HACE1: variants seen among roughly 807,000 people sequenced by gnomAD.
HACE1 encodes the protein E3 ubiquitin-protein ligase HACE1.
A neutral mutation model predicts 118.4 loss-of-function variants in HACE1; 73 were observed. The observed-to-expected ratio is 0.62, with a 90% confidence interval of 0.51 to 0.75. HACE1 has a LOEUF of 0.75. Among genes scored for constraint, HACE1 ranks in the 30% least tolerant of loss-of-function variants. HACE1 has a pLI of 0.00. For missense variants in HACE1, 749 were observed against 1,102.2 expected (o/e 0.68, Z 4.54); for synonymous variants, 368 against 374.8 (o/e 0.98, Z 0.21).
At chr6:104,859,023 T>C (rs899651279) in intron 1 of HACE1, among the ~76,000 whole-genome samples, 12 of 152,166 alleles carry the variant, frequency 7.9e-5, no homozygotes, top group African/African-American at 2.9e-4. Flanking sequence ...TAAAGAAAAA[T>C]ATATTGTGTT....
chr6:104,820,950 G>A (rs752672855), intron 6 of HACE1, among the ~76,000 whole-genome samples: 134 of 152,212 alleles, frequency 8.8e-4, no homozygotes, highest in Admixed American at 1.5e-3. Flanking sequence ...AATGCCCATC[G>A]ATGGTAGACT....
intron 23 of HACE1, 64 bp downstream of exon 23, chr6:104,730,239 C>T (rs1775056432): frequency 1.2e-6 from 1 of 847,420 alleles, no homozygotes; most frequent in African/African-American, 1.7e-5. Flanking sequence ...ACAGTTAGAT[C>T]TCTGATCATT....
At chr6:104,823,535 C>A (rs1433622243) in intron 6 of HACE1, among the ~76,000 whole-genome samples, 1 of 151,646 alleles carries the variant, frequency 6.6e-6, no homozygotes, top group Non-Finnish European at 1.5e-5. Flanking sequence ...CGATGAAGAT[C>A]CTCAAAATAT....
chr6:104,771,170 A>C (rs756182941), intron 19 of HACE1, 23 bp downstream of exon 19: 4 of 1,541,410 alleles, frequency 2.6e-6, no homozygotes, highest in Non-Finnish European at 3.6e-6. Flanking sequence ...AACAATGGTT[A>C]AGGTAAAAAC....
chr6:104,817,400 A>T (rs781626759), intron 6 of HACE1, among the ~76,000 whole-genome samples: 32 of 151,576 alleles, frequency 2.1e-4, no homozygotes, highest in Non-Finnish European at 4.0e-4. Flanking sequence ...CCTTGCACAC[A>T]CTCTCTCTCT....
At chr6:104,751,041 C>T (rs374474818) in intron 19 of HACE1, among the ~76,000 whole-genome samples, 1 of 152,198 alleles carries the variant, frequency 6.6e-6, no homozygotes, top group African/African-American at 2.4e-5. Flanking sequence ...ATGATCTGGC[C>T]TCTGCCTTGC....
In HACE1 at chr6:104,774,379, C is replaced by T. The variant is rs1480438248; in HGVS notation, c.1865-2305G>A. Among the ~76,000 whole-genome samples the T allele has an allele frequency of 1.4e-4, 12 of 86,558 alleles. 5 individuals carry two copies. Among genetic ancestry groups the T allele is most frequent in the African/African-American group, 2.7e-4 (4 of 14,706 alleles). The allele number at this position is 86,558 out of a possible 152,430, so 56.8% of individuals were successfully genotyped here. On this transcript the variant is annotated intron_variant, in intron 17 of 23. Transcript: ENST00000262903. The stretch of plus-strand genomic sequence containing the variant: ...TGCTGGGATTACAGGCGTGAGCCAC[C>T]GCGCCCGGCCTCTCTTTTTTTTTTG...
At chr6:104,784,334 A>G (rs1333784306) in intron 13 of HACE1, 83 bp downstream of exon 13, 3 of 976,334 alleles carry the variant, frequency 3.1e-6, no homozygotes, top group Non-Finnish European at 5.0e-6. Context: ...TAGTACGAGA[A>G]ATAGTATTTT....
At position 104,771,373 on chromosome 6, in the gene HACE1, G is replaced by A; in HGVS notation, c.2031C>T (p.Tyr677=). 2.5e-6 allele frequency: 4 copies of A among 1,610,386 alleles called. No individual in the cohort carries two copies. The highest frequency in any genetic ancestry group is 3.4e-6 in the Non-Finnish European group (4 of 1,176,842). Residue 677 remains tyrosine, a synonymous_variant, in exon 19 of 24, where the codon TAC becomes TAT. Coordinates refer to ENST00000262903, the MANE Select transcript of HACE1 (RefSeq NM_020771.4). ...YKHILGIPVN[Y]QDVASIDPEY... ...CTGGATCAATGGATGCCACATCTTG[G>A]TAATTTACAGGAATACCTAAAAAAT...
At chr6:104,765,868 T>C (rs961283865) in intron 19 of HACE1, among the ~76,000 whole-genome samples, 1 of 152,236 alleles carries the variant, frequency 6.6e-6, no homozygotes, top group Non-Finnish European at 1.5e-5. Context: ...GTCAACAGTT[T>C]ATTCTTTTGT....
chr6:104,840,499 T>C (rs1002960368), intron 5 of HACE1, among the ~76,000 whole-genome samples: 3 of 152,094 alleles, frequency 2.0e-5, no homozygotes, highest in African/African-American at 7.2e-5. Flanking sequence ...TAGCATGCTA[T>C]TTAGATATAG....
chr6:104,751,567 C>T (rs1308836516), intron 19 of HACE1, among the ~76,000 whole-genome samples: 3 of 152,082 alleles, frequency 2.0e-5, no homozygotes, highest in African/African-American at 7.2e-5. Context: ...GAGTTCGAGT[C>T]TGCAGTGAAC....
chr6:104,784,584 C>CT, intron 12 of HACE1, 99 bp from the exon 13 acceptor site: 1 of 772,630 alleles, frequency 1.3e-6, no homozygotes, highest in Non-Finnish European at 2.0e-6. Context: ...GGCTTCTAAA[C>CT]CAAAAAAAAA....
chr6:104,751,121 T>G (rs1252832650), intron 19 of HACE1, among the ~76,000 whole-genome samples: 1 of 152,170 alleles, frequency 6.6e-6, no homozygotes. Flanking sequence ...TCACTGGCTT[T>G]CTGGCTATTC....
chr6:104,825,327 G>C (rs73768830), intron 6 of HACE1, among the ~76,000 whole-genome samples: 2 of 152,184 alleles, frequency 1.3e-5, no homozygotes, highest in African/African-American at 2.4e-5. Context: ...ATGGGAAATT[G>C]AAAGTACCAC....
intron 19 of HACE1, among the ~76,000 whole-genome samples, chr6:104,751,271 G>A (rs184974997): frequency 3.3e-5 from 5 of 152,312 alleles, no homozygotes; most frequent in African/African-American, 9.6e-5. Context: ...AAAAGTGGCT[G>A]CCACTTTGAA....
chr6:104,770,640 A>G (rs770937910), intron 19 of HACE1, among the ~76,000 whole-genome samples: 6 of 152,116 alleles, frequency 3.9e-5, no homozygotes, highest in Non-Finnish European at 7.4e-5. Flanking sequence ...AATTGCTCGA[A>G]CCCAGGAGGC....
chr6:104,749,230 T>C (rs1284910450), intron 20 of HACE1, among the ~76,000 whole-genome samples: 3 of 152,148 alleles, frequency 2.0e-5, no homozygotes, highest in African/African-American at 7.2e-5. Context: ...TCAGGTCTAA[T>C]AATATAATAG....
chr6:104,807,620 A>G (rs913046710), intron 7 of HACE1, among the ~76,000 whole-genome samples: 26 of 152,202 alleles, frequency 1.7e-4, no homozygotes, highest in African/African-American at 6.3e-4. Flanking sequence ...AGGATTGAAT[A>G]TAAAACCAAT....
Sources: allele counts gnomAD v4.1 joint callset (sites outside exome capture counted in the v4.1 genomes callset), GRCh38; gene constraint gnomAD v4.1.1; transcripts MANE v1.5; gene names NCBI Gene and HGNC (gene_info 2026-07-23, HGNC 2026-07-21).